Variants in CRB1 observed in about 807,000 individuals in gnomAD.
The protein encoded by CRB1 is crumbs cell polarity complex component 1, also known as protein crumbs homolog 1.
In CRB1, 83 loss-of-function variants were observed where a neutral mutation model predicts 120.0. The observed-to-expected ratio is 0.69, with a 90% confidence interval of 0.58 to 0.83. CRB1 has a LOEUF of 0.83. CRB1 is among the 40% of genes least tolerant of loss of function. The probability of loss-of-function intolerance (pLI) is 0.00; values close to 1 mark genes in which losing one functional copy is unlikely to be tolerated. For synonymous variants in CRB1, 625 were observed against 612.5 expected (o/e 1.02, Z -0.30); for missense variants, 1,699 against 1,687.6 (o/e 1.01, Z -0.12).
chr1:197,409,444 T>G (rs1290066992), intron 5 of CRB1, among the ~76,000 whole-genome samples: 3 of 152,258 alleles, frequency 2.0e-5, no homozygotes, highest in Admixed American at 6.5e-5. Flanking sequence ...TTGCATACAA[T>G]TTTGTATCTT....
chr1:197,328,559 A>G lies in CRB1; in HGVS notation c.208A>G (p.Met70Val), dbSNP rs771462053. ...TAATTTGGACAAAGACTGTGACAAC[A>G]TGAAAGACCCTTGCTTCTCCAATCC... is the stretch of plus-strand genomic sequence containing the variant. ...ANNLDKDCDN[M>V]KDPCFSNPCQ... is the part of the protein sequence containing the mutation. The change falls in exon 2 of 12, where the codon ATG (methionine) becomes GTG (valine). Residue 70 changes from methionine to valine, a missense_variant. By Grantham distance (21) the Met-to-Val change is conservative (BLOSUM62 1). Coordinates refer to ENST00000367400, the MANE Select transcript of CRB1 (RefSeq NM_201253.3). The G allele has an allele frequency of 5.0e-6, 8 of 1,614,124 alleles. No homozygotes were observed. The highest frequency in any genetic ancestry group is 2.2e-5 in the South Asian group (2 of 91,092).
At chr1:197,330,488 C>A (rs1212222163) in intron 2 of CRB1, among the ~76,000 whole-genome samples, 1 of 152,226 alleles carries the variant, frequency 6.6e-6, no homozygotes, top group Admixed American at 6.5e-5. Flanking sequence ...GCCATGTCCT[C>A]ACACATTCCA....
chr1:197,295,925 C>G (rs1431067873), intron 1 of CRB1, among the ~76,000 whole-genome samples: 1 of 151,872 alleles, frequency 6.6e-6, no homozygotes, highest in East Asian at 1.9e-4. Context: ...CTACTTTGGT[C>G]TCTACTATTA....
chr1:197,267,687 T>C (rs981438850), upstream of CRB1, among the ~76,000 whole-genome samples: 18 of 152,220 alleles, frequency 1.2e-4, no homozygotes, highest in Admixed American at 4.6e-4. Flanking sequence ...AAAGCAAGTG[T>C]ATTTTTTAAA....
the CRB1 span, among the ~76,000 whole-genome samples, chr1:197,241,166 T>C: frequency 6.6e-6 from 1 of 152,234 alleles, no homozygotes; most frequent in East Asian, 1.9e-4. Context: ...TTCACTCTGA[T>C]GATAGTTTCT....
chr1:197,414,820 T>A (rs1432639723), intron 5 of CRB1, among the ~76,000 whole-genome samples: 1 of 152,224 alleles, frequency 6.6e-6, no homozygotes, highest in African/African-American at 2.4e-5. Context: ...TTTCCCACTT[T>A]TAGTTTTCTG....
intron 4 of CRB1, among the ~76,000 whole-genome samples, chr1:197,347,908 T>C (rs527699937): frequency 6.6e-6 from 1 of 152,340 alleles, no homozygotes; most frequent in Non-Finnish European, 1.5e-5. Context: ...TAATAAAAAG[T>C]TAATTATCTA....
At chr1:197,393,282 A>T (rs913079316) in intron 5 of CRB1, among the ~76,000 whole-genome samples, 60 of 152,222 alleles carry the variant, frequency 3.9e-4, no homozygotes, top group African/African-American at 1.2e-3. Flanking sequence ...AATATAAACA[A>T]TGACTTCTGA....
chr1:197,289,518 T>C (rs1193480923), intron 1 of CRB1, among the ~76,000 whole-genome samples: 1 of 151,826 alleles, frequency 6.6e-6, no homozygotes, highest in Non-Finnish European at 1.5e-5. Context: ...TTAAGACTTT[T>C]TGAGCTTCTT....
chr1:197,347,460 C>A lies in CRB1; in HGVS notation c.969C>A (p.Tyr323Ter). The A allele has an allele frequency of 6.2e-7, 1 of 1,614,152 alleles. No individual in the cohort carries two copies. The highest frequency in any genetic ancestry group is 8.5e-7 in the Non-Finnish European group (1 of 1,179,992). ...NATCEDSVDN[Y>*]TCHCWPGYTG... ...CATGTGAGGACAGTGTTGACAATTA[C>A]ACTTGTCACTGCTGGCCTGGTGAGT... Residue 323 changes from tyrosine (Y) to a stop codon, truncating the protein, a stop_gained, in exon 4 of 12, where the codon TAC (tyrosine) becomes TAA (stop). Coordinates refer to ENST00000367400, the MANE Select transcript of CRB1 (RefSeq NM_201253.3). LOFTEE classifies it high-confidence loss of function.
At chr1:197,375,161 A>G (rs941110234) in intron 5 of CRB1, among the ~76,000 whole-genome samples, 1 of 152,166 alleles carries the variant, frequency 6.6e-6, no homozygotes, top group African/African-American at 2.4e-5. Context: ...TACCCTGTTT[A>G]TAAAGGAATG....
At chr1:197,422,156 T>A (rs1664370102) in intron 6 of CRB1, among the ~76,000 whole-genome samples, 200 bp downstream of exon 6, 1 of 152,206 alleles carries the variant, frequency 6.6e-6, no homozygotes, top group Admixed American at 6.5e-5. Context: ...TCATAGGACA[T>A]CAGTTTCACT....
chr1:197,281,570 G>A (rs1655523744), intron 1 of CRB1, among the ~76,000 whole-genome samples: 1 of 151,822 alleles, frequency 6.6e-6, no homozygotes, highest in African/African-American at 2.4e-5. Flanking sequence ...TGGCCAGAAT[G>A]AGAAGGGAAT....
chr1:197,324,468 C>A (rs925607821), intron 1 of CRB1, among the ~76,000 whole-genome samples: 2 of 152,090 alleles, frequency 1.3e-5, no homozygotes, highest in African/African-American at 4.8e-5. Flanking sequence ...TTATAAGGAA[C>A]TTTATGTGTA....
chr1:197,372,565 T>A (rs1397582261), intron 5 of CRB1, among the ~76,000 whole-genome samples: 1 of 152,172 alleles, frequency 6.6e-6, no homozygotes, highest in Non-Finnish European at 1.5e-5. Context: ...ACACTTAAGC[T>A]GCCTGAGTAT....
chr1:197,334,158 A>G (rs527251039), intron 2 of CRB1, among the ~76,000 whole-genome samples: 1 of 152,324 alleles, frequency 6.6e-6, no homozygotes, highest in African/African-American at 2.4e-5. Context: ...TGTGATGCTG[A>G]TGCTGTTAGT....
chr1:197,359,166 A>G (rs1660643778), intron 5 of CRB1, among the ~76,000 whole-genome samples: 2 of 152,184 alleles, frequency 1.3e-5, no homozygotes, highest in South Asian at 4.1e-4. Context: ...AGACTTGCAT[A>G]TTGACATTGA....
intron 1 of CRB1, among the ~76,000 whole-genome samples, chr1:197,278,311 G>A (rs949661574): frequency 1.3e-5 from 2 of 151,874 alleles, no homozygotes; most frequent in South Asian, 2.1e-4. Flanking sequence ...TGAACCAGAA[G>A]TTGGCCCTGG....
the CRB1 span, among the ~76,000 whole-genome samples, chr1:197,238,975 A>G: frequency 6.6e-6 from 1 of 152,146 alleles, no homozygotes; most frequent in African/African-American, 2.4e-5. Flanking sequence ...TTCACATCCT[A>G]GTCTTCTGCG....
Sources: gnomAD v4.1 joint callset for allele counts (sites outside exome capture counted in the v4.1 genomes callset) on GRCh38, gnomAD v4.1.1 for gene constraint, MANE v1.5 for transcripts, NCBI Gene and HGNC (gene_info 2026-07-23, HGNC 2026-07-21) for gene names.